Variants in PTPRO observed in about 807,000 individuals in gnomAD.
PTPRO encodes receptor-type tyrosine-protein phosphatase O.
In PTPRO, 62 loss-of-function variants were observed where a neutral mutation model predicts 145.2. The observed-to-expected ratio is 0.43, with a 90% CI of 0.35 to 0.53. The LOEUF is 0.53. Among genes scored for constraint, PTPRO ranks in the 20% least tolerant of loss-of-function variants. The pLI, the probability that PTPRO is intolerant of heterozygous loss-of-function variation, is 0.01. For missense variants in PTPRO, 1,345 were observed against 1,482.7 expected (o/e 0.91, Z 1.53); for synonymous variants, 565 against 514.7 (o/e 1.10, Z -1.32).
chr12:15,383,585 A>G (rs1323836798), intron 1 of PTPRO, among the ~76,000 whole-genome samples: 1 of 152,208 alleles, frequency 6.6e-6, no homozygotes, highest in East Asian at 1.9e-4. Flanking sequence ...ACATGTGCCC[A>G]AGGTGATTGG....
intron 1 of PTPRO, among the ~76,000 whole-genome samples, chr12:15,404,927 T>A (rs1465135494): frequency 1.3e-5 from 2 of 152,154 alleles, no homozygotes; most frequent in Non-Finnish European, 2.9e-5. Flanking sequence ...GCCAGTTTGG[T>A]TCTTGGTGAG....
intron 1 of PTPRO, among the ~76,000 whole-genome samples, chr12:15,354,218 T>C (rs73308738): frequency 0.07 from 10,697 of 152,244 alleles, 1,254 homozygotes; most frequent in African/African-American, 0.24. Context: ...CATTCCTTCT[T>C]AAAATGAGTC....
Position 15,322,869 on chromosome 12 carries a change from C to T in PTPRO, c.75+68C>T. On this transcript the variant is annotated intron_variant, in intron 1 of 26. Coordinates refer to ENST00000281171, the MANE Select transcript of PTPRO (RefSeq NM_030667.3). The surrounding 1 kb of genome is among the most constrained non-coding windows in gnomAD (Gnocchi z 6.3). ...GCAGCCGCGCTCCGGCGCCCTCGCT[C>T]TGCCGTTGGGAGCGGCGCGCCCCAG... 2 of 1,529,584 alleles carry T rather than the reference C, an allele frequency of 1.3e-6. No homozygotes were observed. The highest frequency in any genetic ancestry group is 1.8e-6 in the Non-Finnish European group (2 of 1,123,142). The allele number at this position is 1,529,584 out of a possible 1,614,324, so 94.8% of individuals were successfully genotyped here. A position where few individuals can be genotyped will look rare whatever the true frequency, so the allele number is the denominator to read the frequency against.
At chr12:15,328,458 C>T (rs934156761) in intron 1 of PTPRO, among the ~76,000 whole-genome samples, 5 of 152,090 alleles carry the variant, frequency 3.3e-5, no homozygotes, top group Non-Finnish European at 4.4e-5. Flanking sequence ...ATGTTTGAAA[C>T]AAGGTTGCGG....
At chr12:15,496,287 C>T (rs1278402500) in intron 2 of PTPRO, among the ~76,000 whole-genome samples, 1 of 151,564 alleles carries the variant, frequency 6.6e-6, no homozygotes, top group Middle Eastern at 3.4e-3. Context: ...GGATTACAGG[C>T]GTGTGTCACC....
At chr12:15,357,067 T>A (rs1473241635) in intron 1 of PTPRO, among the ~76,000 whole-genome samples, 1 of 152,212 alleles carries the variant, frequency 6.6e-6, no homozygotes, top group Non-Finnish European at 1.5e-5. Context: ...GAACACTGGC[T>A]TAGAGCAGGG....
At chr12:15,509,468 G>A (rs545275298) in intron 7 of PTPRO, among the ~76,000 whole-genome samples, 25 of 151,822 alleles carry the variant, frequency 1.6e-4, no homozygotes, top group Admixed American at 1.6e-3. Flanking sequence ...AGGCCGAGGC[G>A]GGTGGATCAC....
chr12:15,580,844 T>A lies in PTPRO; in HGVS notation c.3132+13T>A, dbSNP rs773785143. 1.2e-6 allele frequency: 2 copies of A among 1,613,816 alleles called. No homozygotes were observed. Among genetic ancestry groups the A allele is most frequent in the East Asian group, 4.5e-5 (2 of 44,866 alleles). ...TGAGAAAAGGAGGGTACGTACTTAC[T>A]GAAACTGCTCCCACTTAGCAGCAAA... On this transcript the variant is annotated intron_variant, in intron 22 of 26. Coordinates refer to ENST00000281171, the MANE Select transcript of PTPRO (RefSeq NM_030667.3).
intron 1 of PTPRO, among the ~76,000 whole-genome samples, chr12:15,453,203 C>G (rs186035077): frequency 6.6e-6 from 1 of 152,190 alleles, no homozygotes; most frequent in Non-Finnish European, 1.5e-5. Context: ...GTTGGCCAGG[C>G]TGGTCTCAAA....
intron 1 of PTPRO, among the ~76,000 whole-genome samples, chr12:15,451,829 G>T (rs1396761616): frequency 1.3e-5 from 2 of 152,172 alleles, no homozygotes; most frequent in Non-Finnish European, 2.9e-5. Flanking sequence ...GAAAACCTCT[G>T]GGGTACAGCA....
At chr12:15,546,268 C>T in intron 12 of PTPRO, 1 of 1,084,112 alleles carries the variant, frequency 9.2e-7, no homozygotes, top group Non-Finnish European at 1.2e-6. Flanking sequence ...GCAATGCTAA[C>T]TTCAGTATAA....
chr12:15,471,711 G>T (rs747055703), intron 1 of PTPRO, among the ~76,000 whole-genome samples: 2 of 152,110 alleles, frequency 1.3e-5, no homozygotes, highest in African/African-American at 4.8e-5. Flanking sequence ...CAAATAGAGG[G>T]TATCCCCAGT....
At chr12:15,589,914 A>G (rs1944511248) in intron 25 of PTPRO, among the ~76,000 whole-genome samples, 1 of 152,172 alleles carries the variant, frequency 6.6e-6, no homozygotes, top group African/African-American at 2.4e-5. Context: ...CCAAATAGAG[A>G]CTGTTGAACT....
intron 1 of PTPRO, among the ~76,000 whole-genome samples, chr12:15,390,193 A>G (rs1182832995): frequency 1.3e-5 from 2 of 152,104 alleles, no homozygotes; most frequent in Non-Finnish European, 2.9e-5. Flanking sequence ...CATCCCCATT[A>G]CTTAAGGTTG....
intron 12 of PTPRO, among the ~76,000 whole-genome samples, chr12:15,539,158 G>A (rs572263977): frequency 1.8e-4 from 28 of 152,126 alleles, no homozygotes; most frequent in African/African-American, 6.7e-4. Flanking sequence ...AATCAGAAGG[G>A]TGAGGGGGTG....
intron 11 of PTPRO, among the ~76,000 whole-genome samples, chr12:15,525,468 C>A (rs929284323): frequency 6.6e-6 from 1 of 152,186 alleles, no homozygotes; most frequent in African/African-American, 2.4e-5. Context: ...ACTAACCAGG[C>A]ACTTCTGCTT....
At chr12:15,560,546 C>T (rs1398045693) in intron 17 of PTPRO, among the ~76,000 whole-genome samples, 1 of 151,992 alleles carries the variant, frequency 6.6e-6, no homozygotes, top group East Asian at 1.9e-4. Flanking sequence ...AATCCATTGG[C>T]CTCTCATCTT....
intron 17 of PTPRO, among the ~76,000 whole-genome samples, chr12:15,560,887 A>C (rs1024022569): frequency 1.3e-5 from 2 of 152,062 alleles, no homozygotes; most frequent in African/African-American, 4.8e-5. Context: ...CAGGTTCCAA[A>C]CTCAGGTCTC....
At chr12:15,466,464 T>C (rs1373884303) in intron 1 of PTPRO, among the ~76,000 whole-genome samples, 1 of 152,226 alleles carries the variant, frequency 6.6e-6, no homozygotes, top group African/African-American at 2.4e-5. Flanking sequence ...AGGGAAATTT[T>C]AAATTTGTTT....
Sources: allele counts gnomAD v4.1 joint callset (sites outside exome capture counted in the v4.1 genomes callset), GRCh38; gene constraint gnomAD v4.1.1; non-coding constraint Gnocchi (gnomAD v3.1); transcripts MANE v1.5; gene names NCBI Gene and HGNC (gene_info 2026-07-23, HGNC 2026-07-21).